FCHSD2: variants seen among roughly 807,000 people sequenced by gnomAD.
FCHSD2 encodes the protein F-BAR and double SH3 domains protein 2.
A neutral mutation model predicts 108.1 loss-of-function variants in FCHSD2; 38 were observed. The observed-to-expected ratio is 0.35, with a 90% CI of 0.27 to 0.46. The LOEUF (loss-of-function observed/expected upper bound fraction) is 0.46, where lower values mean the gene tolerates loss of function less well. FCHSD2 is among the 20% of genes least tolerant of loss of function. The pLI, the probability that FCHSD2 is intolerant of heterozygous loss-of-function variation, is 1.00. For missense variants in FCHSD2, 751 were observed against 897.8 expected (o/e 0.84, Z 2.09); for synonymous variants, 279 against 314.7 (o/e 0.89, Z 1.20).
At chr11:73,141,793 C>T in intron 1 of FCHSD2, 64 bp downstream of exon 1, 2 of 1,495,806 alleles carry the variant, frequency 1.3e-6, no homozygotes, top group South Asian at 1.2e-5. Flanking sequence ...GCGCAGCGGT[C>T]GCCCCAGCCG....
chr11:73,108,682 C>G (rs1215873627), intron 2 of FCHSD2, among the ~76,000 whole-genome samples: 6 of 152,178 alleles, frequency 3.9e-5, no homozygotes, highest in African/African-American at 1.4e-4. Flanking sequence ...CATTCTCCTG[C>G]CTCAGCCTCC....
intron 3 of FCHSD2, among the ~76,000 whole-genome samples, chr11:73,047,386 T>A (rs1321758122): frequency 6.6e-6 from 1 of 152,028 alleles, no homozygotes; most frequent in Non-Finnish European, 1.5e-5. Context: ...AAAAATATGA[T>A]CCCCTATAAT....
At chr11:73,004,109 C>A (rs1857686923) in intron 4 of FCHSD2, among the ~76,000 whole-genome samples, 3 of 43,074 alleles carry the variant, frequency 7.0e-5, no homozygotes, top group African/African-American at 2.9e-4. Context: ...ACTCCAACTC[C>A]AAAAAAAAAA....
chr11:72,933,880 G>A (rs1856243767), intron 8 of FCHSD2, among the ~76,000 whole-genome samples: 1 of 152,078 alleles, frequency 6.6e-6, no homozygotes, highest in African/African-American at 2.4e-5. Context: ...AGGCTTAGGT[G>A]GGCGTATCAC....
intron 14 of FCHSD2, among the ~76,000 whole-genome samples, chr11:72,847,532 T>G (rs1169100830): frequency 6.6e-6 from 1 of 152,124 alleles, no homozygotes; most frequent in Non-Finnish European, 1.5e-5. Flanking sequence ...AAAACTAAGA[T>G]TAAGTTTGGC....
intron 9 of FCHSD2, among the ~76,000 whole-genome samples, chr11:72,905,700 G>T (rs1169815219): frequency 6.6e-6 from 1 of 151,252 alleles, no homozygotes; most frequent in African/African-American, 2.4e-5. Flanking sequence ...TTGGTTTTCT[G>T]TCCTTGTGAT....
chr11:72,953,071 A>G (rs1184672279), intron 8 of FCHSD2, among the ~76,000 whole-genome samples: 1 of 152,240 alleles, frequency 6.6e-6, no homozygotes, highest in Admixed American at 6.5e-5. Context: ...ATTGTGCTCC[A>G]ATAGAAAATA....
In FCHSD2 at chr11:72,984,228, CAAAAT is replaced by C; in HGVS notation, c.577-17_577-13del. The C allele has an allele frequency of 6.2e-7, 1 of 1,613,326 alleles. No individual in the cohort carries two copies. Among genetic ancestry groups the C allele is most frequent in the African/African-American group, 1.3e-5 (1 of 75,024 alleles). On this transcript the variant is annotated splice_polypyrimidine_tract_variant and intron_variant, in intron 7 of 19. Coordinates refer to ENST00000409418, the MANE Select transcript of FCHSD2 (RefSeq NM_014824.3). Reference sequence around the variant, plus strand: ...CGCCGGGCTTTTAACTAAAACATAGCAAAATAAAATAATCAGTGCAAACTGATATT... The same window carrying C: ...CGCCGGGCTTTTAACTAAAACATAGCAAAATAATCAGTGCAAACTGATATT...
chr11:73,055,539 A>C (rs868402660), intron 3 of FCHSD2, among the ~76,000 whole-genome samples: 2 of 152,226 alleles, frequency 1.3e-5, no homozygotes, highest in African/African-American at 4.8e-5. Context: ...GATAGCAGAA[A>C]GTCATCAAAA....
chr11:72,889,436 T>G (rs374530499), intron 11 of FCHSD2, among the ~76,000 whole-genome samples: 16 of 152,162 alleles, frequency 1.1e-4, no homozygotes, highest in African/African-American at 3.6e-4. Context: ...CATGAGTAGA[T>G]AGCTGACAGC....
chr11:73,099,807 C>T (rs1034477728), intron 2 of FCHSD2, among the ~76,000 whole-genome samples: 57 of 152,228 alleles, frequency 3.7e-4, no homozygotes, highest in Admixed American at 3.2e-3. Flanking sequence ...AGAAAGAGTG[C>T]GAAGGGAAGC....
At chr11:73,078,363 C>A (rs966701151) in intron 3 of FCHSD2, among the ~76,000 whole-genome samples, 4 of 152,134 alleles carry the variant, frequency 2.6e-5, no homozygotes, top group Non-Finnish European at 2.9e-5. Flanking sequence ...AAGATATGTT[C>A]ATATGTCCAC....
At chr11:73,021,829 C>G (rs1858116060) in intron 3 of FCHSD2, among the ~76,000 whole-genome samples, 1 of 152,152 alleles carries the variant, frequency 6.6e-6, no homozygotes, top group African/African-American at 2.4e-5. Context: ...TGGCTCACAC[C>G]TGTAATCCCA....
At chr11:72,879,563 A>T (rs1485204382) in intron 12 of FCHSD2, among the ~76,000 whole-genome samples, 1 of 152,212 alleles carries the variant, frequency 6.6e-6, no homozygotes, top group East Asian at 1.9e-4. Context: ...AATGAACTAG[A>T]AGATAAAAGA....
intron 2 of FCHSD2, among the ~76,000 whole-genome samples, chr11:73,126,333 C>A: frequency 2.9e-5 from 1 of 33,928 alleles, no homozygotes; most frequent in African/African-American, 1.1e-4. Context: ...GGGCAAGATT[C>A]CATCTTAAAA....
In FCHSD2 at chr11:73,088,595, GA is replaced by G. The variant is rs749715322; in HGVS notation, c.120-4856del. Among the ~76,000 whole-genome samples the G allele has an allele frequency of 2.4e-4, 37 of 151,218 alleles. 2 individuals carry two copies. Among genetic ancestry groups the G allele is most frequent in the Non-Finnish European group, 2.4e-4 (16 of 67,776 alleles). The stretch of plus-strand genomic sequence containing the variant: ...GTGTTTTAGTAAACATATAATGTTT[GA>G]AAAAAAAGTCCTTTTTAAAAAAAAT... On this transcript the variant is annotated intron_variant, in intron 2 of 19. Coordinates refer to ENST00000409418, the MANE Select transcript of FCHSD2 (RefSeq NM_014824.3).
intron 12 of FCHSD2, among the ~76,000 whole-genome samples, chr11:72,871,704 T>C (rs1854861658): frequency 6.6e-6 from 1 of 151,718 alleles, no homozygotes; most frequent in South Asian, 2.1e-4. Flanking sequence ...TGATCATGCC[T>C]GTGAATAGAT....
chr11:73,082,096 G>T (rs1267523116), intron 3 of FCHSD2, among the ~76,000 whole-genome samples: 2 of 152,030 alleles, frequency 1.3e-5, no homozygotes, highest in Admixed American at 6.6e-5. Flanking sequence ...CCAGCACTTT[G>T]GGAGGCCGAG....
chr11:72,886,129 A>C (rs1346053745), intron 12 of FCHSD2, among the ~76,000 whole-genome samples: 1 of 152,152 alleles, frequency 6.6e-6, no homozygotes, highest in African/African-American at 2.4e-5. Flanking sequence ...TTAAACCTAA[A>C]CCAGTGCAGG....
Sources: gnomAD v4.1 joint callset for allele counts (sites outside exome capture counted in the v4.1 genomes callset) on GRCh38, gnomAD v4.1.1 for gene constraint, MANE v1.5 for transcripts, NCBI Gene and HGNC (gene_info 2026-07-23, HGNC 2026-07-21) for gene names.